The following PPFIBP1 variants were observed in gnomAD, a reference collection of about 807,000 sequenced individuals.
PPFIBP1 encodes liprin-beta-1.
A neutral mutation model predicts 137.8 loss-of-function variants in PPFIBP1; 112 were observed. That is an observed-to-expected ratio of 0.81 (90% CI 0.70 to 0.95). The LOEUF (loss-of-function observed/expected upper bound fraction) is 0.95. PPFIBP1 is among the 40% of genes least tolerant of loss of function. PPFIBP1 has a pLI of 0.00. For synonymous variants in PPFIBP1, 378 were observed against 417.3 expected (o/e 0.91, Z 1.15); for missense variants, 1,083 against 1,196.6 (o/e 0.91, Z 1.40).
intron 18 of PPFIBP1, 177 bp from the exon 19 acceptor site, chr12:27,676,887 G>A (rs1593314809): frequency 1.2e-6 from 1 of 828,638 alleles, no homozygotes; most frequent in African/African-American, 1.7e-5. Flanking sequence ...TGTGATAGTG[G>A]ATAAATTAAC....
At chr12:27,685,554 T>A (rs887943096) in intron 24 of PPFIBP1, among the ~76,000 whole-genome samples, 3 of 152,072 alleles carry the variant, frequency 2.0e-5, no homozygotes, top group Non-Finnish European at 4.4e-5. Context: ...GTGAACAAAT[T>A]CAAGCTTAAA....
intron 2 of PPFIBP1, among the ~76,000 whole-genome samples, chr12:27,600,390 C>T (rs755926789): frequency 3.3e-5 from 5 of 150,594 alleles, no homozygotes; most frequent in Non-Finnish European, 7.4e-5. Flanking sequence ...GAGCTGAGAT[C>T]GGGCCACTGC....
chr12:27,686,872 C>CAAA (rs11342490), intron 24 of PPFIBP1, among the ~76,000 whole-genome samples: 1 of 132,816 alleles, frequency 7.5e-6, no homozygotes. Flanking sequence ...CCTATCTCTC[C>CAAA]AAAAAAAAAA....
rs2059218783 is a variant in PPFIBP1 at position 27,656,639 on chromosome 12, A to G, written c.720A>G (p.Glu240=). 1 of 1,611,162 alleles carries G rather than the reference A, an allele frequency of 6.2e-7. No homozygotes were observed. The highest frequency in any genetic ancestry group is 8.5e-7 in the Non-Finnish European group (1 of 1,177,650). Residue 240 remains glutamate (E), a synonymous_variant, in exon 9 of 30, where the codon GAA becomes GAG. Coordinates refer to ENST00000228425, the MANE Select transcript of PPFIBP1 (RefSeq NM_003622.4). ...AGGATGAACTGGCATCTTTAAAAGA[A>G]CAACTAGAAGAAAAGGAATCTGAAG... ...STKDELASLK[E]QLEEKESEVK...
In PPFIBP1 at chr12:27,617,636, A is replaced by G. The variant is rs80047881; in HGVS notation, c.-35-15726A>G. 4.8e-3 allele frequency among the ~76,000 whole-genome samples: 732 copies of G among 152,294 alleles called. 9 individuals are homozygous for G. Among genetic ancestry groups the G allele is most frequent in the African/African-American group, 0.017 (709 of 41,548 alleles). On this transcript the variant is annotated intron_variant, in intron 2 of 29. Coordinates refer to ENST00000228425, the MANE Select transcript of PPFIBP1 (RefSeq NM_003622.4). ...CTCCCGTATATGTTAAATCATCTCT[A>G]TATTACTTAGAATACCTACTACAAT...
intron 24 of PPFIBP1, among the ~76,000 whole-genome samples, chr12:27,684,145 G>C (rs1170273278): frequency 6.6e-6 from 1 of 151,362 alleles, no homozygotes; most frequent in African/African-American, 2.4e-5. Flanking sequence ...GTCTCACTCT[G>C]CTGCCCAGGC....
chr12:27,552,402 G>A (rs1038233988), intron 1 of PPFIBP1: 3 of 152,278 alleles, frequency 2.0e-5, no homozygotes, highest in Non-Finnish European at 1.5e-5. Context: ...CAGCCAAGTT[G>A]TCTTGAACTG....
chr12:27,584,782 G>A (rs1376596036), intron 2 of PPFIBP1, among the ~76,000 whole-genome samples: 1 of 152,164 alleles, frequency 6.6e-6, no homozygotes, highest in African/African-American at 2.4e-5. Flanking sequence ...CCTGCTGCCA[G>A]GCTTTGAACA....
chr12:27,648,362 A>G (rs1294962725), intron 6 of PPFIBP1, among the ~76,000 whole-genome samples: 2 of 152,176 alleles, frequency 1.3e-5, no homozygotes, highest in Non-Finnish European at 2.9e-5. Flanking sequence ...ATGCTGGCAA[A>G]GATGTGAAGA....
intron 9 of PPFIBP1, among the ~76,000 whole-genome samples, chr12:27,658,440 T>C (rs996243420): frequency 5.3e-5 from 8 of 152,158 alleles, no homozygotes. Context: ...AGTGTTCTAG[T>C]CACATTCAGG....
chr12:27,525,251 A>G (rs1256260053), intron 1 of PPFIBP1, among the ~76,000 whole-genome samples: 1 of 152,196 alleles, frequency 6.6e-6, no homozygotes, highest in Admixed American at 6.5e-5. Flanking sequence ...TAGAAAAAGA[A>G]CTTGATTTCA....
intron 17 of PPFIBP1, among the ~76,000 whole-genome samples, chr12:27,676,068 G>A (rs1478861457): frequency 6.6e-6 from 1 of 152,174 alleles, no homozygotes; most frequent in African/African-American, 2.4e-5. Flanking sequence ...TGTTAGAAAA[G>A]TCAGAAATCT....
Position 27,558,114 on chromosome 12 carries a change from G to A in PPFIBP1, c.-123-20038G>A, listed in dbSNP as rs374965554. Among the ~76,000 whole-genome samples, 10 of 152,140 alleles carry A rather than the reference G, an allele frequency of 6.6e-5. No individual in the cohort carries two copies. In the East Asian group the frequency reaches 1.9e-3, roughly 29 times the overall value. On this transcript the variant is annotated intron_variant, in intron 1 of 29. Coordinates refer to ENST00000228425, the MANE Select transcript of PPFIBP1 (RefSeq NM_003622.4). The stretch of plus-strand genomic sequence containing the variant: ...ACGTGGTTCTTAGGACTTTTGTAAT[G>A]CAGTGAATATATTTGGGTGGAAGTG...
At chr12:27,641,356 C>G (rs776014710) in intron 4 of PPFIBP1, among the ~76,000 whole-genome samples, 5 of 152,050 alleles carry the variant, frequency 3.3e-5, no homozygotes, top group Non-Finnish European at 7.4e-5. Context: ...AAAGGGGAAA[C>G]AGGAAAGACA....
chr12:27,642,814 A>G (rs976412129), intron 4 of PPFIBP1, among the ~76,000 whole-genome samples: 1 of 152,068 alleles, frequency 6.6e-6, no homozygotes, highest in African/African-American at 2.4e-5. Flanking sequence ...AGAAGTGGTG[A>G]TTACAGGTCC....
chr12:27,655,194 T>C (rs1034750364), intron 8 of PPFIBP1: 29 of 1,535,944 alleles, frequency 1.9e-5, no homozygotes, highest in Non-Finnish European at 2.4e-5. Context: ...TCAGATGCAG[T>C]ATGAAAAGCA....
At chr12:27,656,944 G>A (rs531244819) in intron 9 of PPFIBP1, 18 of 432,434 alleles carry the variant, frequency 4.2e-5, no homozygotes, top group Non-Finnish European at 6.4e-5. Flanking sequence ...GGGGAATTCT[G>A]TACTTTATTT....
Position 27,671,432 on chromosome 12 carries a change from T to A in PPFIBP1, c.1148T>A (p.Phe383Tyr), listed in dbSNP as rs750782615. 44 of 1,550,624 alleles carry A rather than the reference T, an allele frequency of 2.8e-5. No individual in the cohort carries two copies. The highest frequency in any genetic ancestry group is 3.9e-5 in the Non-Finnish European group (44 of 1,140,312). The change falls in exon 14 of 30, where the codon TTC (phenylalanine) becomes TAC (tyrosine). Residue 383 changes from phenylalanine to tyrosine, a missense_variant and splice_region_variant. Phe to Tyr is a conservative substitution (Grantham distance 22). Transcript: ENST00000228425. ...DPFNTSVPEE[F>Y]HTTILQVSIP... ...TGATTTTTTGTAATTACATTACAGT[T>A]CCATACTACCATCTTGCAAGTTTCC... is the stretch of plus-strand genomic sequence containing the variant.
At chr12:27,674,988 T>C (rs1031786803) in intron 17 of PPFIBP1, among the ~76,000 whole-genome samples, 4 of 126,024 alleles carry the variant, frequency 3.2e-5, no homozygotes, top group African/African-American at 8.9e-5. Context: ...GTTTTTTTTT[T>C]TCGTTTGTTT....
Sources: gnomAD v4.1 joint callset for allele counts (sites outside exome capture counted in the v4.1 genomes callset) on GRCh38, gnomAD v4.1.1 for gene constraint, MANE v1.5 for transcripts, NCBI Gene and HGNC (gene_info 2026-07-23, HGNC 2026-07-21) for gene names.